HSD17B12: variants seen among roughly 807,000 people sequenced by gnomAD.
HSD17B12 encodes the protein hydroxysteroid 17-beta dehydrogenase 12.
HSD17B12 carries 32 observed loss-of-function variants against 39.3 expected under a neutral mutation model. That is an observed-to-expected ratio of 0.81 (90% CI 0.61 to 1.09). HSD17B12 has a LOEUF of 1.09. Among genes scored for constraint, HSD17B12 ranks in the 50% least tolerant of loss-of-function variants. The probability of loss-of-function intolerance (pLI) is 0.00; values close to 1 mark genes in which losing one functional copy is unlikely to be tolerated. For synonymous variants in HSD17B12, 150 were observed against 146.7 expected (o/e 1.02, Z -0.16); for missense variants, 342 against 382.9 (o/e 0.89, Z 0.89).
the HSD17B12 span, among the ~76,000 whole-genome samples, chr11:43,599,759 A>G: frequency 2.6e-5 from 4 of 152,212 alleles, no homozygotes; most frequent in African/African-American, 9.6e-5. Context: ...ATGGATATAG[A>G]CACTCAGATA....
the HSD17B12 span, among the ~76,000 whole-genome samples, chr11:43,646,936 T>C: frequency 1.3e-5 from 2 of 152,218 alleles, no homozygotes; most frequent in African/African-American, 4.8e-5. Flanking sequence ...TGTGTTTACA[T>C]ATTGGATAGA....
intron 9 of HSD17B12, among the ~76,000 whole-genome samples, chr11:43,847,401 T>C (rs925428193): frequency 6.6e-6 from 1 of 152,166 alleles, no homozygotes; most frequent in East Asian, 1.9e-4. Context: ...TTGAACTTAT[T>C]GTCCTGAAGA....
rs12222591 is a variant in HSD17B12, at chr11:43,781,646, A to T, written c.284-16674A>T. Among the ~76,000 whole-genome samples, 964 of 152,258 alleles carry T rather than the reference A, an allele frequency of 6.3e-3. 8 individuals are homozygous for T. Among genetic ancestry groups the T allele is most frequent in the East Asian group, 0.045 (231 of 5,184 alleles). Reference sequence around the variant, plus strand: ...TAAAACGTTTATTCCTACAAAAATAAATATATATACATATATATACACACA... The same window carrying T: ...TAAAACGTTTATTCCTACAAAAATATATATATATACATATATATACACACA... On this transcript the variant is annotated intron_variant, in intron 3 of 10. Coordinates refer to ENST00000278353, the MANE Select transcript of HSD17B12 (RefSeq NM_016142.3).
At chr11:43,715,094 T>C (rs1235400878) in intron 1 of HSD17B12, among the ~76,000 whole-genome samples, 1 of 152,148 alleles carries the variant, frequency 6.6e-6, no homozygotes, top group Non-Finnish European at 1.5e-5. Context: ...ACTTCCTCTT[T>C]TCCTAATTGA....
chr11:43,639,160 G>T, the HSD17B12 span, among the ~76,000 whole-genome samples: 1 of 152,146 alleles, frequency 6.6e-6, no homozygotes, highest in Non-Finnish European at 1.5e-5. Flanking sequence ...GAAGCTTTGA[G>T]TTTGTCATTG....
intron 1 of HSD17B12, 124 bp downstream of exon 1, chr11:43,681,111 C>T (rs955077045): frequency 5.9e-6 from 8 of 1,358,738 alleles, no homozygotes; most frequent in Middle Eastern, 2.8e-4. Flanking sequence ...TTCTCAGGCT[C>T]CTGTGCCCCG....
At chr11:43,734,179 A>G (rs1950295040) in intron 1 of HSD17B12, 12 of 1,572,354 alleles carry the variant, frequency 7.6e-6, no homozygotes, top group Middle Eastern at 2.0e-4. Context: ...TCACCCAGAG[A>G]GAGCTGGTCT....
At chr11:43,702,202 T>C (rs1450324802) in intron 1 of HSD17B12, among the ~76,000 whole-genome samples, 1 of 152,234 alleles carries the variant, frequency 6.6e-6, no homozygotes, top group Non-Finnish European at 1.5e-5. Context: ...AATTTGTCTA[T>C]CAGTTCTAAT....
intron 1 of HSD17B12, among the ~76,000 whole-genome samples, chr11:43,716,549 C>T (rs916444464): frequency 3.3e-5 from 5 of 151,986 alleles, no homozygotes; most frequent in East Asian, 1.9e-4. Flanking sequence ...TCATTCATTT[C>T]GCAAACCCTT....
chr11:43,657,497 T>G, the HSD17B12 span, among the ~76,000 whole-genome samples: 1 of 152,184 alleles, frequency 6.6e-6, no homozygotes, highest in African/African-American at 2.4e-5. Context: ...TTCCTAGCCT[T>G]GATGGTCTTT....
the HSD17B12 span, among the ~76,000 whole-genome samples, chr11:43,650,130 T>C: frequency 0.018 from 2,670 of 152,284 alleles, 78 homozygotes; most frequent in African/African-American, 0.06. Flanking sequence ...GGTGGTTTGT[T>C]TTGCCATGAC....
chr11:43,714,432 G>T (rs888441738), intron 1 of HSD17B12, among the ~76,000 whole-genome samples: 28 of 152,198 alleles, frequency 1.8e-4, no homozygotes, highest in African/African-American at 6.3e-4. Flanking sequence ...TCAGATAGTT[G>T]TAGATGTGTG....
intron 1 of HSD17B12, among the ~76,000 whole-genome samples, chr11:43,682,175 A>G (rs1167251241): frequency 2.0e-5 from 3 of 152,230 alleles, no homozygotes; most frequent in African/African-American, 7.2e-5. Flanking sequence ...ACATCTTAGC[A>G]GTGGATATGT....
chr11:43,847,485 G>A (rs1230608508), intron 9 of HSD17B12, among the ~76,000 whole-genome samples: 4 of 152,042 alleles, frequency 2.6e-5, no homozygotes, highest in African/African-American at 7.2e-5. Flanking sequence ...CAGGAGGGTC[G>A]CTTGAGCCCA....
At chr11:43,699,501 A>T (rs755055687) in intron 1 of HSD17B12, among the ~76,000 whole-genome samples, 50 of 152,206 alleles carry the variant, frequency 3.3e-4, no homozygotes, top group Non-Finnish European at 5.4e-4. Context: ...ATCAATTTTT[A>T]AAAAATACTA....
chr11:43,848,661 G>A (rs1475726135), intron 9 of HSD17B12: 1 of 152,150 alleles, frequency 6.6e-6, no homozygotes, highest in Non-Finnish European at 1.5e-5. Context: ...AATTACAGAG[G>A]AAGAAACTAA....
chr11:43,684,233 A>T (rs1949776828), intron 1 of HSD17B12, among the ~76,000 whole-genome samples: 1 of 152,202 alleles, frequency 6.6e-6, no homozygotes, highest in South Asian at 2.1e-4. Context: ...CTTCTTTGTC[A>T]TTGTTACCCG....
intron 3 of HSD17B12, among the ~76,000 whole-genome samples, chr11:43,765,391 A>AT (rs1396253832): frequency 6.6e-6 from 1 of 151,352 alleles, no homozygotes; most frequent in Non-Finnish European, 1.5e-5. Context: ...GTCAGCTGTT[A>AT]TTCTTACCAT....
intron 9 of HSD17B12, among the ~76,000 whole-genome samples, chr11:43,847,507 C>T (rs1202365278): frequency 6.6e-6 from 1 of 151,994 alleles, no homozygotes; most frequent in Non-Finnish European, 1.5e-5. Context: ...GAGTTTAACA[C>T]CAGCCTGGGT....
Sources: gnomAD v4.1 joint callset for allele counts (sites outside exome capture counted in the v4.1 genomes callset) on GRCh38, gnomAD v4.1.1 for gene constraint, MANE v1.5 for transcripts, NCBI Gene and HGNC (gene_info 2026-07-23, HGNC 2026-07-21) for gene names.